The following FBXL17 variants were observed in gnomAD, a reference collection of about 807,000 sequenced individuals.
FBXL17 encodes the protein F-box and leucine rich repeat protein 17, also known as F-box/LRR-repeat protein 17.
In FBXL17, 22 loss-of-function variants were observed where a neutral mutation model predicts 66.2. That is an observed-to-expected ratio of 0.33 (90% CI 0.24 to 0.47). The LOEUF (loss-of-function observed/expected upper bound fraction) is 0.47. FBXL17 is among the 20% of genes least tolerant of loss of function. The pLI, the probability that FBXL17 is intolerant of heterozygous loss-of-function variation, is 1.00. For synonymous variants in FBXL17, 474 were observed against 400.5 expected (o/e 1.18, Z -2.19); for missense variants, 878 against 948.2 (o/e 0.93, Z 0.97).
chr5:108,103,641 T>A (rs1749683997), intron 6 of FBXL17, among the ~76,000 whole-genome samples: 1 of 152,244 alleles, frequency 6.6e-6, no homozygotes, highest in Admixed American at 6.5e-5. Context: ...CATACTCCTG[T>A]AGTAAAACTT....
chr5:107,972,804 A>G (rs1290877211), intron 7 of FBXL17, among the ~76,000 whole-genome samples: 5 of 152,152 alleles, frequency 3.3e-5, no homozygotes. Context: ...ACCTTTCCCA[A>G]TTTCACACTT....
intron 4 of FBXL17, among the ~76,000 whole-genome samples, chr5:108,313,823 T>C (rs920034705): frequency 2.4e-4 from 37 of 152,012 alleles, no homozygotes; most frequent in Middle Eastern, 3.4e-3. Context: ...CTAAAAAACA[T>C]TTTTGAACAA....
chr5:107,865,331 T>A (rs564967410), intron 8 of FBXL17, among the ~76,000 whole-genome samples: 1 of 152,216 alleles, frequency 6.6e-6, no homozygotes, highest in South Asian at 2.1e-4. Flanking sequence ...GCAAACTGGA[T>A]ACATGAAGAT....
chr5:108,005,511 G>A (rs1753890765), intron 7 of FBXL17, among the ~76,000 whole-genome samples: 1 of 152,180 alleles, frequency 6.6e-6, no homozygotes, highest in African/African-American at 2.4e-5. Flanking sequence ...CAAATCTGAA[G>A]CTGATTTAAA....
intron 8 of FBXL17, chr5:107,879,062 C>A: frequency 1.0e-6 from 1 of 985,432 alleles, no homozygotes; most frequent in Non-Finnish European, 1.2e-6. Context: ...TAACCCATTT[C>A]TTAACTAAAA....
At chr5:108,337,520 C>A (rs1018570744) in intron 4 of FBXL17, among the ~76,000 whole-genome samples, 3 of 151,968 alleles carry the variant, frequency 2.0e-5, no homozygotes, top group African/African-American at 7.2e-5. Context: ...CTCAAACCTA[C>A]AACAAATTAT....
intron 6 of FBXL17, among the ~76,000 whole-genome samples, chr5:108,172,782 C>G (rs763309379): frequency 1.3e-5 from 2 of 152,170 alleles, no homozygotes; most frequent in Admixed American, 6.6e-5. Flanking sequence ...TTTTTACCTA[C>G]AAGAGCAGCT....
intron 6 of FBXL17, among the ~76,000 whole-genome samples, chr5:108,154,618 C>CAA (rs1751908649): frequency 3.7e-5 from 2 of 53,830 alleles, no homozygotes; most frequent in East Asian, 6.6e-4. Flanking sequence ...TATATATATA[C>CAA]ACACACACAC....
chr5:107,861,832 A>G lies in FBXL17; in HGVS notation c.1994T>C (p.Val665Ala). The change falls in exon 9 of 9, where the codon GTG becomes GCG. Residue 665 changes from valine (V) to alanine (A), a missense_variant. Physicochemically the swap from Val to Ala is moderately conservative, Grantham distance 64. Coordinates refer to ENST00000542267, the MANE Select transcript of FBXL17 (RefSeq NM_001163315.3). ...KVNEVTVEQL[V>A]QQYPHITFST... The stretch of plus-strand genomic sequence containing the variant: ...GAAGGTGATGTGGGGGTACTGCTGC[A>G]CCAGCTGTTCCACCGTCACTTCGTT... 1.3e-6 allele frequency: 2 copies of G among 1,555,142 alleles called. No homozygotes were observed. The highest frequency in any genetic ancestry group is 3.7e-5 in the Admixed American group (2 of 54,406).
chr5:108,168,962 G>A (rs1397062552), intron 6 of FBXL17, among the ~76,000 whole-genome samples: 3 of 152,202 alleles, frequency 2.0e-5, no homozygotes, highest in African/African-American at 7.2e-5. Context: ...ATAAACAACA[G>A]GAGTGTAGCA....
chr5:108,213,712 A>G (rs1319126341), intron 5 of FBXL17, among the ~76,000 whole-genome samples: 1 of 152,190 alleles, frequency 6.6e-6, no homozygotes, highest in Non-Finnish European at 1.5e-5. Context: ...TGGGAGCTGC[A>G]GACCAGAGCT....
intron 7 of FBXL17, among the ~76,000 whole-genome samples, chr5:107,889,144 G>C (rs1199512047): frequency 6.6e-6 from 1 of 152,132 alleles, no homozygotes; most frequent in Admixed American, 6.5e-5. Context: ...TTCTAGCAGA[G>C]TGCCTCTACC....
At chr5:108,304,147 TA>T (rs1285210478) in intron 4 of FBXL17, among the ~76,000 whole-genome samples, 4 of 152,008 alleles carry the variant, frequency 2.6e-5, no homozygotes, top group Non-Finnish European at 4.4e-5. Context: ...TGATGGGCAT[TA>T]AACACTTTGA....
At chr5:108,375,721 T>C (rs370769134) in intron 1 of FBXL17, among the ~76,000 whole-genome samples, 1 of 152,120 alleles carries the variant, frequency 6.6e-6, no homozygotes, top group South Asian at 2.1e-4. Context: ...CACCAATCTA[T>C]CTTAAATTCT....
rs895841045 is a variant in FBXL17 at position 107,860,301 on chromosome 5, A to T, written c.*1419T>A. 1 of 152,646 alleles carries T rather than the reference A, an allele frequency of 6.6e-6. No individual in the cohort carries two copies. 9.5% of individuals were successfully genotyped at this position (152,646 alleles called of 1,614,324 possible). On this transcript the variant is annotated 3_prime_UTR_variant, in exon 9 of 9. Coordinates refer to ENST00000542267, the MANE Select transcript of FBXL17 (RefSeq NM_001163315.3). ...TATATTCACTCAGGGAAAAATAAATAGCAACTTCACAAGTTAGGGTTTTGT... is the reference window on the plus strand; with the variant it reads ...TATATTCACTCAGGGAAAAATAAATTGCAACTTCACAAGTTAGGGTTTTGT...
At chr5:108,143,141 C>T (rs766687742) in intron 6 of FBXL17, among the ~76,000 whole-genome samples, 3 of 151,888 alleles carry the variant, frequency 2.0e-5, no homozygotes, top group African/African-American at 4.8e-5. Flanking sequence ...TCCCCGACCC[C>T]GAGTCCACGG....
At chr5:108,311,395 C>T (rs914443944) in intron 4 of FBXL17, among the ~76,000 whole-genome samples, 1 of 152,094 alleles carries the variant, frequency 6.6e-6, no homozygotes, top group Non-Finnish European at 1.5e-5. Flanking sequence ...TGGTTTTGAA[C>T]TCCTGACCTC....
intron 6 of FBXL17, among the ~76,000 whole-genome samples, chr5:108,121,724 T>C (rs1750509567): frequency 6.6e-6 from 1 of 151,940 alleles, no homozygotes; most frequent in Non-Finnish European, 1.5e-5. Flanking sequence ...GCCTGGCTAA[T>C]TTTTTTGTAT....
chr5:108,119,137 A>T (rs1363969206), intron 6 of FBXL17, among the ~76,000 whole-genome samples: 2 of 152,220 alleles, frequency 1.3e-5, no homozygotes, highest in African/African-American at 4.8e-5. Context: ...CTTATTAAAA[A>T]TATAAATAAA....
Sources: allele counts gnomAD v4.1 joint callset (sites outside exome capture counted in the v4.1 genomes callset), GRCh38; gene constraint gnomAD v4.1.1; transcripts MANE v1.5; gene names NCBI Gene and HGNC (gene_info 2026-07-23, HGNC 2026-07-21).